The following SYN3 variants were observed in gnomAD, a reference collection of about 807,000 sequenced individuals.
The protein encoded by SYN3 is synapsin III, also known as synapsin-3.
Under a neutral mutation model 65.8 loss-of-function variants are expected in SYN3, and 35 were observed. The observed-to-expected ratio is 0.53, with a 90% CI of 0.41 to 0.70. The LOEUF is 0.70. SYN3 is among the 30% of genes least tolerant of loss of function. The pLI is 0.00. For missense variants in SYN3, 680 were observed against 749.0 expected (o/e 0.91, Z 1.08); for synonymous variants, 270 against 292.9 (o/e 0.92, Z 0.80).
At position 32,652,394 on chromosome 22, in the gene SYN3, G is replaced by GA. The variant is rs1158520493; in HGVS notation, c.712-55659dup. 5.7e-4 allele frequency among the ~76,000 whole-genome samples: 81 copies of GA among 143,314 alleles called. 1 individual carries two copies. Among genetic ancestry groups the GA allele is most frequent in the Non-Finnish European group, 1.0e-3 (68 of 65,530 alleles). 94.0% of individuals were successfully genotyped at this position (143,314 alleles called of 152,430 possible). A position where few individuals can be genotyped will look rare whatever the true frequency, so the allele number is the denominator to read the frequency against. On this transcript the variant is annotated intron_variant, in intron 6 of 13. Transcript: ENST00000358763. The stretch of plus-strand genomic sequence containing the variant: ...TGCGATGCAAGTTTTTTTTTTTTTG[G>GA]AAAAAAAAAAGTTTTCTTTTTTGGA...
chr22:32,790,897 G>C (rs2046311495), intron 6 of SYN3, among the ~76,000 whole-genome samples: 1 of 152,150 alleles, frequency 6.6e-6, no homozygotes, highest in Non-Finnish European at 1.5e-5. Flanking sequence ...AAGGTCAAGG[G>C]AACGGAATGA....
At chr22:32,675,113 C>T (rs1028046930) in intron 6 of SYN3, among the ~76,000 whole-genome samples, 1 of 152,264 alleles carries the variant, frequency 6.6e-6, no homozygotes, top group East Asian at 1.9e-4. Context: ...GAAACAGAAA[C>T]TAAGGGTAGA....
chr22:32,670,799 G>A (rs2060349775), intron 6 of SYN3, among the ~76,000 whole-genome samples: 1 of 152,248 alleles, frequency 6.6e-6, no homozygotes, highest in Admixed American at 6.5e-5. Flanking sequence ...TAACGAGCAT[G>A]TGCTACTTTT....
chr22:32,856,551 G>A (rs1192640933), intron 6 of SYN3, among the ~76,000 whole-genome samples: 1 of 152,112 alleles, frequency 6.6e-6, no homozygotes, highest in Non-Finnish European at 1.5e-5. Context: ...ATAATAAATG[G>A]ACATATTTTG....
intron 3 of SYN3, among the ~76,000 whole-genome samples, chr22:32,965,984 G>A (rs1004324310): frequency 8.5e-5 from 13 of 152,258 alleles, no homozygotes; most frequent in Non-Finnish European, 8.8e-5. Flanking sequence ...ACGGGCCACC[G>A]CGCCCGGCCA....
At chr22:32,680,070 G>A (rs1227970704) in intron 6 of SYN3, among the ~76,000 whole-genome samples, 2 of 152,014 alleles carry the variant, frequency 1.3e-5, no homozygotes, top group Non-Finnish European at 2.9e-5. Context: ...TGCCTGACAT[G>A]TAATAGAGGT....
chr22:32,881,323 C>T (rs1001276914), intron 4 of SYN3, among the ~76,000 whole-genome samples: 8 of 152,162 alleles, frequency 5.3e-5, no homozygotes, highest in African/African-American at 1.9e-4. Context: ...CCAGGCCAGG[C>T]GCTAATATGT....
At chr22:32,799,471 A>G (rs1396889286) in intron 6 of SYN3, among the ~76,000 whole-genome samples, 1 of 152,260 alleles carries the variant, frequency 6.6e-6, no homozygotes, top group Non-Finnish European at 1.5e-5. Context: ...CTTGAAGTTC[A>G]GCAGAAGTTA....
At chr22:32,889,765 A>G (rs930600322) in intron 4 of SYN3, among the ~76,000 whole-genome samples, 3 of 152,078 alleles carry the variant, frequency 2.0e-5, no homozygotes, top group African/African-American at 7.2e-5. Context: ...TTGGGCATTT[A>G]GATTTTAAAA....
chr22:32,977,922 C>T (rs1466470963), intron 3 of SYN3, among the ~76,000 whole-genome samples: 4 of 152,002 alleles, frequency 2.6e-5, no homozygotes, highest in South Asian at 4.1e-4. Context: ...TCATGCAAAT[C>T]GTCCCACTCA....
chr22:32,925,087 G>A (rs969066312), intron 4 of SYN3, among the ~76,000 whole-genome samples: 7 of 151,622 alleles, frequency 4.6e-5, no homozygotes, highest in Non-Finnish European at 8.8e-5. Flanking sequence ...GAGAGACCCT[G>A]TCTCAAGGAA....
At chr22:32,927,357 C>T (rs1332621973) in intron 4 of SYN3, among the ~76,000 whole-genome samples, 7 of 151,436 alleles carry the variant, frequency 4.6e-5, no homozygotes, top group Admixed American at 2.6e-4. Context: ...TTGACCTCCC[C>T]GGGCTCAATC....
chr22:32,527,018 A>G (rs1702030431), intron 12 of SYN3, among the ~76,000 whole-genome samples: 1 of 152,148 alleles, frequency 6.6e-6, no homozygotes, highest in Admixed American at 6.6e-5. Flanking sequence ...ATTCTTTGAG[A>G]AAGTTAGTTA....
At chr22:32,773,168 AGGC>A (rs1355767527) in intron 6 of SYN3, among the ~76,000 whole-genome samples, 1 of 152,190 alleles carries the variant, frequency 6.6e-6, no homozygotes, top group East Asian at 1.9e-4. Context: ...GCACTTTGGG[AGGC>A]TGAGGTGGGC....
chr22:32,745,673 G>A (rs13433546), intron 6 of SYN3, among the ~76,000 whole-genome samples: 6,593 of 152,214 alleles, frequency 0.043, 496 homozygotes, highest in African/African-American at 0.15. Context: ...GGAGGGGAAG[G>A]GGAAGAGAGG....
chr22:32,673,314 A>G (rs984004166), intron 6 of SYN3, among the ~76,000 whole-genome samples: 6 of 152,086 alleles, frequency 3.9e-5, no homozygotes, highest in Non-Finnish European at 8.8e-5. Flanking sequence ...CCTTCTCACT[A>G]TCTCCTCCCC....
intron 6 of SYN3, among the ~76,000 whole-genome samples, chr22:32,636,796 T>C (rs936490264): frequency 1.3e-5 from 2 of 152,254 alleles, no homozygotes; most frequent in Non-Finnish European, 2.9e-5. Flanking sequence ...TCATTTGCTA[T>C]ATGATCCTGC....
At chr22:32,971,775 C>T (rs777854008) in intron 3 of SYN3, among the ~76,000 whole-genome samples, 12 of 151,970 alleles carry the variant, frequency 7.9e-5, no homozygotes, top group Non-Finnish European at 1.2e-4. Context: ...GAAAGCAGAC[C>T]CTGGGATGGA....
chr22:32,697,556 G>A (rs2060753645), intron 6 of SYN3, among the ~76,000 whole-genome samples: 1 of 152,208 alleles, frequency 6.6e-6, no homozygotes, highest in Non-Finnish European at 1.5e-5. Context: ...TAAGATGGTT[G>A]TATCAGTAAT....
Sources: gnomAD v4.1 joint callset for allele counts (sites outside exome capture counted in the v4.1 genomes callset) on GRCh38, gnomAD v4.1.1 for gene constraint, MANE v1.5 for transcripts, NCBI Gene and HGNC (gene_info 2026-07-23, HGNC 2026-07-21) for gene names.